Variants in FBRS observed in about 807,000 individuals in gnomAD.
FBRS encodes fibrosin.
In FBRS, 15 loss-of-function variants were observed where a neutral mutation model predicts 86.1. The ratio of observed to expected loss-of-function variants is 0.17; its 90% CI spans 0.12 to 0.27. The LOEUF is 0.27. FBRS is among the 10% of genes least tolerant of loss of function. FBRS has a pLI of 1.00. For synonymous variants in FBRS, 666 were observed against 575.8 expected (o/e 1.16, Z -2.24); for missense variants, 1,367 against 1,301.6 (o/e 1.05, Z -0.77).
At chr16:30,661,844 A>G (rs1000024822) in intron 4 of FBRS, 4 of 182,766 alleles carry the variant, frequency 2.2e-5, no homozygotes, top group Non-Finnish European at 4.7e-5. Context: ...GGGCCCATGT[A>G]AGTAACTCAA....
chr16:30,666,576 T>G (rs373080054), intron 12 of FBRS, 35 bp downstream of exon 12: 1 of 1,613,784 alleles, frequency 6.2e-7, no homozygotes, highest in Non-Finnish European at 8.5e-7. Flanking sequence ...TGCATGAGGC[T>G]GGGGGCTGGT....
Position 30,665,163 on chromosome 16 carries a change from C to T in FBRS, c.1608+84C>T. ...GCTTGTGACCCTGACTGCTGGGGTC[C>T]AGTCTTCAGCACAAAAGCAAGAGCC... On this transcript the variant is annotated intron_variant, in intron 9 of 17. Transcript: ENST00000356166. This position sits in a 1 kb window ranked among gnomAD's most constrained non-coding sequence, Gnocchi z 4.1. The T allele has an allele frequency of 1.3e-6, 2 of 1,548,544 alleles. No individual in the cohort carries two copies. Among genetic ancestry groups the T allele is most frequent in the Non-Finnish European group, 1.7e-6 (2 of 1,143,576 alleles).
At position 30,669,634 on chromosome 16, in the gene FBRS, G is replaced by GCTGA; in HGVS notation, c.2934_2937dup (p.Arg980Ter). On this transcript the variant is annotated frameshift_variant, in exon 18 of 18. Transcript: ENST00000356166. LOFTEE classifies it high-confidence loss of function. The surrounding 1 kb of genome is among the most constrained non-coding windows in gnomAD (Gnocchi z 5.9). ...ACCTAGGGGCCCTGGCCCAGCTCGG[G>GCTGA]CTGACAGGTGAGGGGAACGGGGGGG... 1 of 1,599,304 alleles carries GCTGA rather than the reference G, an allele frequency of 6.3e-7. No homozygotes were observed. Among genetic ancestry groups the GCTGA allele is most frequent in the South Asian group, 1.1e-5 (1 of 90,780 alleles).
Position 30,669,331 on chromosome 16 carries a change from G to T in FBRS, c.2629G>T (p.Ala877Ser), listed in dbSNP as rs369275900. 6.8e-6 allele frequency: 11 copies of T among 1,611,668 alleles called. No homozygotes were observed. Among genetic ancestry groups the T allele is most frequent in the Non-Finnish European group, 9.3e-6 (11 of 1,179,364 alleles). Reference sequence around the variant, plus strand: ...GGGCCCTAGCCCACCAGATCGCTGTGCTGGCTTCCTGGAGCCAACCTGGTT... The same window carrying T: ...GGGCCCTAGCCCACCAGATCGCTGTTCTGGCTTCCTGGAGCCAACCTGGTT... ...FLGPSPPDRCAGFLEPTWLAA... is the reference protein window; with the variant it reads ...FLGPSPPDRCSGFLEPTWLAA... Residue 877 changes from alanine (A) to serine (S), a missense_variant, in exon 18 of 18, where the codon GCT becomes TCT. Coordinates refer to ENST00000356166, the MANE Select transcript of FBRS (RefSeq NM_001105079.3). The surrounding 1 kb of genome is among the most constrained non-coding windows in gnomAD (Gnocchi z 5.9).
At chr16:30,666,598 T>C (rs978460423) in intron 12 of FBRS, 57 bp downstream of exon 12, 2 of 1,612,768 alleles carry the variant, frequency 1.2e-6, no homozygotes, top group Non-Finnish European at 1.7e-6. Context: ...TTAGCATGTT[T>C]GGCTAAGGGG....
Position 30,662,622 on chromosome 16 carries a change from T to G in FBRS, c.818T>G (p.Val273Gly). The G allele has an allele frequency of 1.3e-6, 2 of 1,544,472 alleles. No homozygotes were observed. Among genetic ancestry groups the G allele is most frequent in the Non-Finnish European group, 1.7e-6 (2 of 1,142,898 alleles). Reference sequence around the variant, plus strand: ...GCAAAACTCTCCGTGGTCCCTAAAGTGTCGGGCCTGGAGCGGAGCCAAGAA... The same window carrying G: ...GCAAAACTCTCCGTGGTCCCTAAAGGGTCGGGCCTGGAGCGGAGCCAAGAA... ...CEAKLSVVPK[V>G]SGLERSQEQP... The change falls in exon 6 of 18, where the codon GTG becomes GGG. Residue 273 changes from valine to glycine, a missense_variant. Transcript: ENST00000356166.
In FBRS at chr16:30,667,573, G is replaced by A. The variant is rs1381815038; in HGVS notation, c.2025G>A (p.Thr675=). The A allele has an allele frequency of 1.9e-6, 3 of 1,543,024 alleles. No individual in the cohort carries two copies. Among genetic ancestry groups the A allele is most frequent in the Non-Finnish European group, 1.7e-6 (2 of 1,142,948 alleles). ...TCCACGCTGCAGCCAACCCTTTCAC[G>A]GCAGCTCCCGGGGCCCACGGACCCT... is the stretch of plus-strand genomic sequence containing the variant. The part of the protein sequence containing the change: ...GAVHAAANPF[T]AAPGAHGPFL... Residue 675 remains threonine (T), a synonymous_variant, in exon 15 of 18, where the codon ACG becomes ACA. Transcript: ENST00000356166.
chr16:30,668,837 G>A lies in FBRS; in HGVS notation c.2224G>A (p.Asp742Asn), dbSNP rs371395419. Residue 742 changes from aspartate to asparagine, a missense_variant, in exon 17 of 18, where the codon GAC (aspartate) becomes AAC (asparagine). Transcript: ENST00000356166. Reference sequence around the variant, plus strand: ...CCCACCAGCCTTCGCCTCCCCACCGGACCCATGGGGCCGCCTGCACCGCAG... The same window carrying A: ...CCCACCAGCCTTCGCCTCCCCACCGAACCCATGGGGCCGCCTGCACCGCAG... ...GAPPAFASPP[D>N]PWGRLHRSPL... 6.3e-7 allele frequency: 1 copy of A among 1,595,908 alleles called. No individual in the cohort carries two copies. Among genetic ancestry groups the A allele is most frequent in the Non-Finnish European group, 8.5e-7 (1 of 1,176,230 alleles).
rs74015027 is a variant in FBRS at position 30,665,095 on chromosome 16, C to G, written c.1608+16C>G. Reference sequence around the variant, plus strand: ...CCGACATAATGTGAGTGTGTGTGTGCGTGTGCGTATGGGGTGTGTGGTGTG... The same window carrying G: ...CCGACATAATGTGAGTGTGTGTGTGGGTGTGCGTATGGGGTGTGTGGTGTG... On this transcript the variant is annotated intron_variant, in intron 9 of 17. Coordinates refer to ENST00000356166, the MANE Select transcript of FBRS (RefSeq NM_001105079.3). This position sits in a 1 kb window ranked among gnomAD's most constrained non-coding sequence, Gnocchi z 4.1. The G allele has an allele frequency of 6.2e-7, 1 of 1,608,106 alleles. No homozygotes were observed. The highest frequency in any genetic ancestry group is 8.5e-7 in the Non-Finnish European group (1 of 1,177,650).
Position 30,670,142 on chromosome 16 carries a change from G to T in FBRS, c.*497G>T. On this transcript the variant is annotated 3_prime_UTR_variant, in exon 18 of 18. Coordinates refer to ENST00000356166, the MANE Select transcript of FBRS (RefSeq NM_001105079.3). ...AGACCTTTTGTACATTTTTACAGGG[G>T]TGCCCCTCCCAACAGTTCCCTTCCT... The T allele has an allele frequency of 2.2e-6, 1 of 459,836 alleles. No individual in the cohort carries two copies. Among genetic ancestry groups the T allele is most frequent in the South Asian group, 1.5e-5 (1 of 64,580 alleles). 28.5% of individuals were successfully genotyped at this position (459,836 alleles called of 1,614,324 possible). A position where few individuals can be genotyped will look rare whatever the true frequency, so the allele number is the denominator to read the frequency against.
In FBRS at chr16:30,665,106, G is replaced by A; in HGVS notation, c.1608+27G>A. The stretch of plus-strand genomic sequence containing the variant: ...TGAGTGTGTGTGTGCGTGTGCGTAT[G>A]GGGTGTGTGGTGTGGGCGTGGATGC... On this transcript the variant is annotated intron_variant, in intron 9 of 17. Transcript: ENST00000356166. This position sits in a 1 kb window ranked among gnomAD's most constrained non-coding sequence, Gnocchi z 4.1. 6.2e-7 allele frequency: 1 copy of A among 1,609,158 alleles called. No homozygotes were observed. Among genetic ancestry groups the A allele is most frequent in the Non-Finnish European group, 8.5e-7 (1 of 1,178,572 alleles).
Position 30,664,153 on chromosome 16 carries a change from C to T in FBRS, c.1056-62C>T, listed in dbSNP as rs185956084. 7,130 of 1,289,566 alleles carry T rather than the reference C, an allele frequency of 5.5e-3. 23 individuals carry two copies. Among genetic ancestry groups the T allele is most frequent in the Non-Finnish European group, 6.4e-3 (6,402 of 1,008,174 alleles). 79.9% of individuals were successfully genotyped at this position (1,289,566 alleles called of 1,614,324 possible). ...GTCACGGTATCACCCAGGCTTCTGA[C>T]CCCCTCCCGTCAGAGCTGGCACCTC... On this transcript the variant is annotated intron_variant, in intron 6 of 17. Coordinates refer to ENST00000356166, the MANE Select transcript of FBRS (RefSeq NM_001105079.3).
Position 30,668,987 on chromosome 16 carries a change from T to TGCCCCCCCCCCCC in FBRS, c.2366+8_2366+9insGCCCCCCCCCCCC. 6.8e-7 allele frequency: 1 copy of TGCCCCCCCCCCCC among 1,481,116 alleles called. No individual in the cohort carries two copies. The highest frequency in any genetic ancestry group is 9.2e-7 in the Non-Finnish European group (1 of 1,088,966). The allele number at this position is 1,481,116 out of a possible 1,614,324, so 91.7% of individuals were successfully genotyped here. Reference sequence around the variant, plus strand: ...CAAGGAGGAGAAGGACAGGTGTGCCTCCCACCCACCCTGCCCCTGCCCCAC... The same window carrying TGCCCCCCCCCCCC: ...CAAGGAGGAGAAGGACAGGTGTGCCTGCCCCCCCCCCCCCCCACCCACCCTGCCCCTGCCCCAC... On this transcript the variant is annotated intron_variant, in intron 17 of 17. Coordinates refer to ENST00000356166, the MANE Select transcript of FBRS (RefSeq NM_001105079.3).
At chr16:30,662,383 C>CCA (rs1414845548) in intron 4 of FBRS, 37 bp from the exon 5 acceptor site, 6 of 1,549,576 alleles carry the variant, frequency 3.9e-6, no homozygotes, top group Non-Finnish European at 5.2e-6. Context: ...CCTGGCCCAC[C>CCA]CACAACCTAA....
rs1459415203 is a variant in FBRS, at chr16:30,662,826, C to T, written c.1022C>T (p.Pro341Leu). ...TCACCCTTCGGCCTCCGCACTTCTCCATATGGCAGCAGCCTGGACCTCAGC... is the reference window on the plus strand; with the variant it reads ...TCACCCTTCGGCCTCCGCACTTCTCTATATGGCAGCAGCCTGGACCTCAGC... ...RVSPFGLRTS[P>L]YGSSLDLSTG... The change falls in exon 6 of 18, where the codon CCA becomes CTA. Residue 341 changes from proline (P) to leucine (L), a missense_variant. Pro to Leu is a moderately conservative substitution (Grantham distance 98). Around this residue, in one of 3 missense-constraint regions of FBRS, gnomAD observed 702 missense variants for 598.7 expected, o/e 1.17. Transcript: ENST00000356166. 4 of 1,464,240 alleles carry T rather than the reference C, an allele frequency of 2.7e-6. No homozygotes were observed. Among genetic ancestry groups the T allele is most frequent in the Non-Finnish European group, 3.6e-6 (4 of 1,103,022 alleles). The allele number at this position is 1,464,240 out of a possible 1,614,324, so 90.7% of individuals were successfully genotyped here.
intron 2 of FBRS, among the ~76,000 whole-genome samples, chr16:30,660,813 A>T (rs2052450504): frequency 6.6e-6 from 1 of 152,172 alleles, no homozygotes; most frequent in South Asian, 2.1e-4. Flanking sequence ...GAAGACAAAG[A>T]TGGGGAGAGA....
At chr16:30,667,085 G>T (rs1009147292) in intron 13 of FBRS, 95 bp downstream of exon 13, 34 of 1,289,050 alleles carry the variant, frequency 2.6e-5, no homozygotes, top group Non-Finnish European at 3.6e-5. Flanking sequence ...GCAGAATCTT[G>T]GCCAGAAACA....
intron 7 of FBRS, 50 bp from the exon 8 acceptor site, chr16:30,664,665 G>C (rs1391450256): frequency 2.7e-6 from 4 of 1,462,376 alleles, no homozygotes; most frequent in Non-Finnish European, 3.6e-6. Context: ...TGGGCCCAAG[G>C]AGGCTGATGT....
rs1264573688 is a variant in FBRS at position 30,659,956 on chromosome 16, C to T, written c.438C>T (p.Phe146=). 2.6e-6 allele frequency: 4 copies of T among 1,550,208 alleles called. No individual in the cohort carries two copies. Among genetic ancestry groups the T allele is most frequent in the Non-Finnish European group, 2.6e-6 (3 of 1,147,074 alleles). The stretch of plus-strand genomic sequence containing the variant: ...TCGATGGCTTCGCCATCGCCAGCTT[C>T]GCCACCCTCGAGGCCTTGCAGGTGG... The part of the protein sequence containing the change: ...DLIDGFAIAS[F]ATLEALQKDA... Residue 146 remains phenylalanine (F), a synonymous_variant, in exon 1 of 18, where the codon TTC becomes TTT. Transcript: ENST00000356166.
Sources: gnomAD v4.1 joint callset for allele counts (sites outside exome capture counted in the v4.1 genomes callset) on GRCh38, gnomAD v4.1.1 for gene constraint, gnomAD v4.1.1 regional missense constraint, Gnocchi (gnomAD v3.1) non-coding constraint, MANE v1.5 for transcripts, NCBI Gene and HGNC (gene_info 2026-07-23, HGNC 2026-07-21) for gene names.